The following DYRK1A variants were observed in gnomAD, a reference collection of about 807,000 sequenced individuals.
DYRK1A encodes the protein dual specificity tyrosine phosphorylation regulated kinase 1A.
A neutral mutation model predicts 79.7 loss-of-function variants in DYRK1A; 9 were observed. That is an observed-to-expected ratio of 0.11 (90% CI 0.07 to 0.20). DYRK1A has a LOEUF of 0.20. DYRK1A is among the 10% of genes least tolerant of loss of function. The probability of loss-of-function intolerance (pLI) is 1.00; values close to 1 mark genes in which losing one functional copy is unlikely to be tolerated. For synonymous variants in DYRK1A, 349 were observed against 329.7 expected (o/e 1.06, Z -0.63); for missense variants, 622 against 956.0 (o/e 0.65, Z 4.61).
Position 37,389,038 on chromosome 21 carries a change from T to TA in DYRK1A, c.-77+21421dup, listed in dbSNP as rs1156392946. 1.8e-3 allele frequency among the ~76,000 whole-genome samples: 263 copies of TA among 142,950 alleles called. 2 individuals carry two copies. The highest frequency in any genetic ancestry group is 4.7e-3 in the African/African-American group (186 of 39,264). 93.8% of individuals were successfully genotyped at this position (142,950 alleles called of 152,430 possible). On this transcript the variant is annotated intron_variant, in intron 1 of 11. Coordinates refer to ENST00000647188, the MANE Select transcript of DYRK1A (RefSeq NM_001347721.2). ...AGTGGCCAAAAAAAAGCTTTTAAATTAAAAAAAAAAATTTTTTTTTTAAGA... is the reference window on the plus strand; with the variant it reads ...AGTGGCCAAAAAAAAGCTTTTAAATTAAAAAAAAAAAATTTTTTTTTTAAGA...
At chr21:37,449,472 G>C (rs1180401314) in intron 2 of DYRK1A, among the ~76,000 whole-genome samples, 1 of 152,168 alleles carries the variant, frequency 6.6e-6, no homozygotes, top group Non-Finnish European at 1.5e-5. Flanking sequence ...AGAGCATGGA[G>C]GTTTTCACAC....
chr21:37,388,919 C>T (rs2049815869), intron 1 of DYRK1A, among the ~76,000 whole-genome samples: 1 of 151,630 alleles, frequency 6.6e-6, no homozygotes, highest in Non-Finnish European at 1.5e-5. Context: ...GCAGGGATTA[C>T]AGGTGTGAGC....
intron 1 of DYRK1A, among the ~76,000 whole-genome samples, chr21:37,369,130 T>C (rs1013416946): frequency 6.6e-6 from 1 of 152,046 alleles, no homozygotes; most frequent in Non-Finnish European, 1.5e-5. Flanking sequence ...ATTCTTTGAA[T>C]GCTTAAGGGT....
In DYRK1A at chr21:37,420,078, G is replaced by GT. The variant is rs140342279; in HGVS notation, c.-76-211dup. 4,736 of 219,690 alleles carry GT rather than the reference G, an allele frequency of 0.022. 7 individuals are homozygous for GT. Among genetic ancestry groups the GT allele is most frequent in the Middle Eastern group, 0.034 (23 of 668 alleles). The allele number at this position is 219,690 out of a possible 1,614,324, so 13.6% of individuals were successfully genotyped here. On this transcript the variant is annotated intron_variant, in intron 1 of 11. Coordinates refer to ENST00000647188, the MANE Select transcript of DYRK1A (RefSeq NM_001347721.2). ...GTGGTAATAGGCACATTTTGAAACT[G>GT]TTTTTTTTTTCTCTGACAATTGAAT...
chr21:37,402,504 GTCTTT>G (rs2050071644), intron 1 of DYRK1A, among the ~76,000 whole-genome samples: 2 of 152,118 alleles, frequency 1.3e-5, no homozygotes, highest in East Asian at 1.9e-4. Flanking sequence ...CGATATACCA[GTCTTT>G]TCTTCTGGCT....
chr21:37,463,486 T>C (rs1344820729), intron 2 of DYRK1A, among the ~76,000 whole-genome samples: 2 of 152,178 alleles, frequency 1.3e-5, no homozygotes, highest in Non-Finnish European at 2.9e-5. Flanking sequence ...ATAAGACTTT[T>C]CTCTGCTTTT....
chr21:37,432,437 A>G (rs928738121), intron 2 of DYRK1A, among the ~76,000 whole-genome samples: 9 of 152,202 alleles, frequency 5.9e-5, no homozygotes, highest in Non-Finnish European at 1.2e-4. Flanking sequence ...TAACGTTTTT[A>G]TGAAAGATGT....
chr21:37,399,702 C>T (rs1172578694), intron 1 of DYRK1A, among the ~76,000 whole-genome samples: 1 of 152,122 alleles, frequency 6.6e-6, no homozygotes, highest in East Asian at 1.9e-4. Flanking sequence ...GTTTACATTA[C>T]ATGTCTTCCA....
intron 8 of DYRK1A, among the ~76,000 whole-genome samples, chr21:37,494,510 C>CT (rs2053199567): frequency 6.6e-6 from 1 of 151,764 alleles, no homozygotes; most frequent in Non-Finnish European, 1.5e-5. Flanking sequence ...CTAAAATGCT[C>CT]TTTTCTGAGA....
At chr21:37,445,986 A>G (rs2051257073) in intron 2 of DYRK1A, among the ~76,000 whole-genome samples, 1 of 152,150 alleles carries the variant, frequency 6.6e-6, no homozygotes, top group South Asian at 2.1e-4. Flanking sequence ...TTTTAAAATA[A>G]AAAAACAACA....
At chr21:37,386,316 C>A (rs186062785) in intron 1 of DYRK1A, among the ~76,000 whole-genome samples, 6 of 152,338 alleles carry the variant, frequency 3.9e-5, no homozygotes, top group Non-Finnish European at 7.4e-5. Context: ...AACCCCCACC[C>A]TGTCCTTTGA....
At chr21:37,428,660 GT>G (rs1356242238) in intron 2 of DYRK1A, among the ~76,000 whole-genome samples, 2 of 151,990 alleles carry the variant, frequency 1.3e-5, no homozygotes, top group African/African-American at 4.8e-5. Context: ...GATGGGATTT[GT>G]TTTTTGTATT....
chr21:37,449,112 A>T (rs2051363483), intron 2 of DYRK1A, among the ~76,000 whole-genome samples: 1 of 152,202 alleles, frequency 6.6e-6, no homozygotes, highest in African/African-American at 2.4e-5. Context: ...CACATTTCTT[A>T]ACTTCTGGGA....
At chr21:37,454,733 G>A (rs2051578079) in intron 2 of DYRK1A, among the ~76,000 whole-genome samples, 1 of 152,174 alleles carries the variant, frequency 6.6e-6, no homozygotes, top group Admixed American at 6.5e-5. Context: ...CAGGGATTCA[G>A]TAAGTGTTGT....
chr21:37,395,810 A>C (rs941296894), intron 1 of DYRK1A, among the ~76,000 whole-genome samples: 1 of 152,226 alleles, frequency 6.6e-6, no homozygotes, highest in African/African-American at 2.4e-5. Context: ...GAAATTTTGC[A>C]TCCAAGTCAA....
intron 2 of DYRK1A, among the ~76,000 whole-genome samples, chr21:37,454,085 C>CTCCTTTTTTTTT (rs2051550770): frequency 1.7e-5 from 1 of 59,614 alleles, no homozygotes; most frequent in East Asian, 6.2e-4. Flanking sequence ...ATGTAGTCTC[C>CTCCTTTTTTTTT]TTTTTTTTTT....
At chr21:37,440,216 A>C (rs923971493) in intron 2 of DYRK1A, among the ~76,000 whole-genome samples, 1 of 117,342 alleles carries the variant, frequency 8.5e-6, no homozygotes, top group Admixed American at 1.0e-4. Context: ...GTTCACTGCA[A>C]CCTCCGCCCC....
rs16995144 is a variant in DYRK1A at position 37,454,595 on chromosome 21, T to A, written c.11-18089T>A. 9.1e-3 allele frequency among the ~76,000 whole-genome samples: 1,388 copies of A among 152,308 alleles called. 19 individuals carry two copies. Among genetic ancestry groups the A allele is most frequent in the African/African-American group, 0.032 (1,331 of 41,560 alleles). On this transcript the variant is annotated intron_variant, in intron 2 of 11. Coordinates refer to ENST00000647188, the MANE Select transcript of DYRK1A (RefSeq NM_001347721.2). ...TTCTAAATCTTTCAAAAAATCATTTTAAAAAGTATTGTTGTAAGTGAAAAT... is the reference window on the plus strand; with the variant it reads ...TTCTAAATCTTTCAAAAAATCATTTAAAAAAGTATTGTTGTAAGTGAAAAT...
At chr21:37,375,949 G>A (rs1048576714) in intron 1 of DYRK1A, among the ~76,000 whole-genome samples, 3 of 151,882 alleles carry the variant, frequency 2.0e-5, no homozygotes, top group Non-Finnish European at 2.9e-5. Flanking sequence ...CTTTTGGCCC[G>A]CCAAGCCCCC....
Sources: gnomAD v4.1 joint callset for allele counts (sites outside exome capture counted in the v4.1 genomes callset) on GRCh38, gnomAD v4.1.1 for gene constraint, MANE v1.5 for transcripts, NCBI Gene and HGNC (gene_info 2026-07-23, HGNC 2026-07-21) for gene names.